Variants in ARHGAP28 observed in about 807,000 individuals in gnomAD.
ARHGAP28 encodes Rho GTPase activating protein 28.
In ARHGAP28, 56 loss-of-function variants were observed where a neutral mutation model predicts 90.7. The ratio of observed to expected loss-of-function variants is 0.62; its 90% CI spans 0.50 to 0.77. The LOEUF (loss-of-function observed/expected upper bound fraction) is 0.77. ARHGAP28 is among the 30% of genes least tolerant of loss of function. The pLI, the probability that ARHGAP28 is intolerant of heterozygous loss-of-function variation, is 0.00. For missense variants in ARHGAP28, 869 were observed against 900.9 expected (o/e 0.96, Z 0.45); for synonymous variants, 308 against 323.3 (o/e 0.95, Z 0.51).
intron 16 of ARHGAP28, among the ~76,000 whole-genome samples, chr18:6,900,465 C>T (rs919000390): frequency 6.6e-6 from 1 of 152,122 alleles, no homozygotes; most frequent in Non-Finnish European, 1.5e-5. Flanking sequence ...AATAGATGTT[C>T]TTTAAAAATA....
intron 10 of ARHGAP28, among the ~76,000 whole-genome samples, chr18:6,881,193 A>T (rs922888658): frequency 6.6e-5 from 10 of 152,196 alleles, no homozygotes; most frequent in Admixed American, 1.3e-4. Flanking sequence ...AATCCTTATT[A>T]GGAAAAGGTC....
At chr18:6,832,218 G>A (rs1048627014) in intron 2 of ARHGAP28, among the ~76,000 whole-genome samples, 3 of 151,294 alleles carry the variant, frequency 2.0e-5, no homozygotes, top group African/African-American at 7.3e-5. Context: ...ACAAATTTTT[G>A]GGTTTTTTTC....
At chr18:6,793,330 A>G (rs2056419369) in intron 1 of ARHGAP28, among the ~76,000 whole-genome samples, 1 of 152,138 alleles carries the variant, frequency 6.6e-6, no homozygotes, top group Non-Finnish European at 1.5e-5. Flanking sequence ...GTGCTCCTCT[A>G]ATAATTCTCT....
chr18:6,783,635 T>C (rs1157809209), intron 1 of ARHGAP28, among the ~76,000 whole-genome samples: 1 of 152,094 alleles, frequency 6.6e-6, no homozygotes, highest in African/African-American at 2.4e-5. Context: ...ACATAACACA[T>C]TGCTGAATTA....
intron 11 of ARHGAP28, among the ~76,000 whole-genome samples, chr18:6,884,423 C>T (rs1028474814): frequency 6.6e-6 from 1 of 152,218 alleles, no homozygotes; most frequent in Non-Finnish European, 1.5e-5. Flanking sequence ...TGGGTTATCT[C>T]AGGGTTGGTC....
chr18:6,829,049 A>G (rs1359120451), intron 2 of ARHGAP28, among the ~76,000 whole-genome samples: 1 of 152,240 alleles, frequency 6.6e-6, no homozygotes, highest in African/African-American at 2.4e-5. Context: ...CATACATCTG[A>G]TATTATTTGA....
At chr18:6,883,035 C>T (rs2057191187) in intron 11 of ARHGAP28, among the ~76,000 whole-genome samples, 1 of 152,078 alleles carries the variant, frequency 6.6e-6, no homozygotes, top group Non-Finnish European at 1.5e-5. Flanking sequence ...GGAGTTCAGG[C>T]ATTGCAAATC....
At chr18:6,868,985 A>T (rs958363234) in intron 6 of ARHGAP28, among the ~76,000 whole-genome samples, 2 of 152,254 alleles carry the variant, frequency 1.3e-5, no homozygotes, top group African/African-American at 4.8e-5. Context: ...AAAAATAAAA[A>T]TAAAAAAGAA....
At position 6,912,778 on chromosome 18, in the gene ARHGAP28, T is replaced by A. The variant is rs1379623104; in HGVS notation, c.*624T>A. 4 of 152,212 alleles carry A rather than the reference T, an allele frequency of 2.6e-5. No individual in the cohort carries two copies. Among genetic ancestry groups the A allele is most frequent in the Admixed American group, 6.5e-5 (1 of 15,274 alleles). 9.4% of individuals were successfully genotyped at this position (152,212 alleles called of 1,614,324 possible). A position where few individuals can be genotyped will look rare whatever the true frequency, so the allele number is the denominator to read the frequency against. ...TGTATTGTGACTATCAGCATTCTGG[T>A]GCAAATGAACTTTTCTCCATCATCG... On this transcript the variant is annotated 3_prime_UTR_variant, in exon 18 of 18. Coordinates refer to ENST00000383472, the MANE Select transcript of ARHGAP28 (RefSeq NM_001366230.1).
intron 1 of ARHGAP28, among the ~76,000 whole-genome samples, chr18:6,759,359 T>C (rs1027100239): frequency 1.3e-5 from 2 of 152,206 alleles, no homozygotes; most frequent in Non-Finnish European, 2.9e-5. Flanking sequence ...CTATGATCAA[T>C]AAACGCCTGT....
In ARHGAP28 at chr18:6,841,173, T is replaced by TC. The variant is rs1555631463; in HGVS notation, c.543+3760dup. ...CTCTCCTCTTTCTCTCTCTCCTCTC[T>TC]CTCTCTCCTCTCTCTCTCTCTCTCT... On this transcript the variant is annotated intron_variant, in intron 3 of 17. Transcript: ENST00000383472. Among the ~76,000 whole-genome samples, 126 of 82,282 alleles carry TC rather than the reference T, an allele frequency of 1.5e-3. 1 individual carries two copies. In the East Asian group the frequency reaches 0.035, roughly 23 times the overall value. The allele number at this position is 82,282 out of a possible 152,430, so 54.0% of individuals were successfully genotyped here. A position where few individuals can be genotyped will look rare whatever the true frequency, so the allele number is the denominator to read the frequency against.
At position 6,838,957 on chromosome 18, in the gene ARHGAP28, G is replaced by T. The variant is rs898468960; in HGVS notation, c.543+1543G>T. ...TAAATTCTTTGGGCCTGACATTTTT[G>T]TATTTTTCATCTGACCATCCGTATC... On this transcript the variant is annotated intron_variant, in intron 3 of 17. Coordinates refer to ENST00000383472, the MANE Select transcript of ARHGAP28 (RefSeq NM_001366230.1). Among the ~76,000 whole-genome samples, 23 of 152,146 alleles carry T rather than the reference G, an allele frequency of 1.5e-4. 1 individual carries two copies. Among genetic ancestry groups the T allele is most frequent in the Admixed American group, 6.5e-5 (1 of 15,270 alleles).
At chr18:6,836,311 G>C (rs1268380498) in intron 2 of ARHGAP28, 3 of 152,504 alleles carry the variant, frequency 2.0e-5, no homozygotes, top group Non-Finnish European at 4.4e-5. Flanking sequence ...TCAACAAGCA[G>C]GCAGGGAACA....
chr18:6,811,862 A>G (rs573028221), intron 1 of ARHGAP28, among the ~76,000 whole-genome samples: 3 of 152,312 alleles, frequency 2.0e-5, no homozygotes, highest in African/African-American at 7.2e-5. Context: ...TCAATGAATT[A>G]ATATCAATCC....
chr18:6,882,044 A>C lies in ARHGAP28; in HGVS notation c.1291-93A>C, dbSNP rs571263097. On this transcript the variant is annotated intron_variant, in intron 10 of 17. Transcript: ENST00000383472. ...GACATTACCTTACCAGTCTGTTTAC[A>C]AAAACAGTTTATATAAGAACAGTTT... is the stretch of plus-strand genomic sequence containing the variant. 126 of 1,251,908 alleles carry C rather than the reference A, an allele frequency of 1.0e-4. 3 individuals are homozygous for C. In the South Asian group the frequency reaches 2.1e-3, roughly 21 times the overall value. The allele number at this position is 1,251,908 out of a possible 1,614,324, so 77.5% of individuals were successfully genotyped here. A position where few individuals can be genotyped will look rare whatever the true frequency, so the allele number is the denominator to read the frequency against.
chr18:6,805,311 A>G (rs1330738642), intron 1 of ARHGAP28, among the ~76,000 whole-genome samples: 2 of 152,166 alleles, frequency 1.3e-5, no homozygotes, highest in South Asian at 2.1e-4. Context: ...CTTAATCTCC[A>G]GAAGTCTTTT....
chr18:6,858,780 C>T (rs947898314), intron 4 of ARHGAP28, among the ~76,000 whole-genome samples: 1 of 151,918 alleles, frequency 6.6e-6, no homozygotes, highest in African/African-American at 2.4e-5. Context: ...ATTCTCCTGC[C>T]TCCCAAAGTG....
chr18:6,872,753 G>A (rs1474097641), intron 7 of ARHGAP28, among the ~76,000 whole-genome samples: 2 of 152,156 alleles, frequency 1.3e-5, no homozygotes, highest in African/African-American at 4.8e-5. Context: ...TGTTTCTTGT[G>A]TGAAAATAGA....
At chr18:6,897,769 G>A (rs1403734540) in intron 16 of ARHGAP28, 3 of 152,182 alleles carry the variant, frequency 2.0e-5, no homozygotes, top group Non-Finnish European at 4.4e-5. Flanking sequence ...GGATGATTTG[G>A]AAGGGAGATG....
Sources: allele counts gnomAD v4.1 joint callset (sites outside exome capture counted in the v4.1 genomes callset), GRCh38; gene constraint gnomAD v4.1.1; transcripts MANE v1.5; gene names NCBI Gene and HGNC (gene_info 2026-07-23, HGNC 2026-07-21).